The following EFNA5 variants were observed in gnomAD, a reference collection of about 807,000 sequenced individuals.
EFNA5 encodes the protein ephrin A5, also known as ephrin-A5.
EFNA5 carries 5 observed loss-of-function variants against 22.9 expected under a neutral mutation model. That is an observed-to-expected ratio of 0.22 (90% CI 0.11 to 0.46). The LOEUF (loss-of-function observed/expected upper bound fraction) is 0.46, where lower values mean the gene tolerates loss of function less well. Among genes scored for constraint, EFNA5 ranks in the 20% least tolerant of loss-of-function variants. The pLI is 0.99. For missense variants in EFNA5, 237 were observed against 293.3 expected (o/e 0.81, Z 1.40); for synonymous variants, 113 against 112.2 (o/e 1.01, Z -0.04).
chr5:107,414,084 G>T (rs567388644), intron 2 of EFNA5, among the ~76,000 whole-genome samples: 4 of 152,292 alleles, frequency 2.6e-5, no homozygotes, highest in Non-Finnish European at 4.4e-5. Flanking sequence ...TGTTCTCGAA[G>T]TGTGGTACAA....
chr5:107,378,730 A>G lies in EFNA5; in HGVS notation c.*2525T>C, dbSNP rs550841405. ...TCTAATTTCACTGTGAAAAAATGAA[A>G]GACAATGGCAGAGAGGGCCATGAGT... On this transcript the variant is annotated 3_prime_UTR_variant, in exon 5 of 5. Transcript: ENST00000333274. The G allele has an allele frequency of 6.6e-6, 1 of 152,316 alleles. No individual in the cohort carries two copies. Among genetic ancestry groups the G allele is most frequent in the South Asian group, 2.1e-4 (1 of 4,824 alleles). 9.4% of individuals were successfully genotyped at this position (152,316 alleles called of 1,614,324 possible).
At position 107,413,493 on chromosome 5, in the gene EFNA5, A is replaced by G. The variant is rs928721410; in HGVS notation, c.418+13724T>C. Among the ~76,000 whole-genome samples the G allele has an allele frequency of 2.6e-5, 4 of 152,240 alleles. No homozygotes were observed. The South Asian group carries it at 6.2e-4, about 24-fold the overall frequency. ...CTTCAGTGTTCCTTCCAAAAACCTC[A>G]TGTCATATAAATAGAATATTACAGG... On this transcript the variant is annotated intron_variant, in intron 2 of 4. Coordinates refer to ENST00000333274, the MANE Select transcript of EFNA5 (RefSeq NM_001962.3).
chr5:107,513,597 C>T (rs1211519528), intron 1 of EFNA5, among the ~76,000 whole-genome samples: 2 of 152,156 alleles, frequency 1.3e-5, no homozygotes, highest in African/African-American at 4.8e-5. Context: ...AGGACACCGA[C>T]ACCCCACCGA....
rs139691191 is a variant in EFNA5 at position 107,451,790 on chromosome 5, T to C, written c.126-24281A>G. Among the ~76,000 whole-genome samples, 84 of 152,260 alleles carry C rather than the reference T, an allele frequency of 5.5e-4. No homozygotes were observed. The East Asian group carries it at 0.014, about 26-fold the overall frequency. ...CACTGTTGGTAGGAGGGTAACTTAG[T>C]TCAACCATTGTGGAAGACAGTATGG... On this transcript the variant is annotated intron_variant, in intron 1 of 4. Transcript: ENST00000333274.
intron 1 of EFNA5, among the ~76,000 whole-genome samples, chr5:107,538,514 T>C (rs1290903802): frequency 6.6e-6 from 1 of 152,176 alleles, no homozygotes. Flanking sequence ...ACAATGAATG[T>C]ACAGACAGGA....
At chr5:107,606,562 C>T (rs1749729479) in intron 1 of EFNA5, among the ~76,000 whole-genome samples, 1 of 151,390 alleles carries the variant, frequency 6.6e-6, no homozygotes, top group African/African-American at 2.4e-5. Context: ...CACACACACA[C>T]ACACACACAC....
intron 1 of EFNA5, among the ~76,000 whole-genome samples, chr5:107,553,158 T>C (rs946595718): frequency 1.3e-5 from 2 of 152,066 alleles, no homozygotes; most frequent in East Asian, 1.9e-4. Context: ...CCTGTTCCAC[T>C]AAACACCCTG....
chr5:107,506,973 C>T (rs17534200), intron 1 of EFNA5, among the ~76,000 whole-genome samples: 4,544 of 152,162 alleles, frequency 0.03, 90 homozygotes, highest in Middle Eastern at 0.095. Context: ...AGAAATAATG[C>T]ATCATCTTCA....
chr5:107,470,728 C>T (rs752755441), intron 1 of EFNA5, among the ~76,000 whole-genome samples: 2 of 152,012 alleles, frequency 1.3e-5, no homozygotes, highest in Non-Finnish European at 2.9e-5. Flanking sequence ...TTTGAAATTT[C>T]ACTTCTCTAT....
At chr5:107,408,850 GA>G (rs1415276100) in intron 2 of EFNA5, among the ~76,000 whole-genome samples, 3 of 152,136 alleles carry the variant, frequency 2.0e-5, no homozygotes. Context: ...TCTACAATAA[GA>G]AAGAAGATAT....
chr5:107,528,862 T>C (rs1747752475), intron 1 of EFNA5, among the ~76,000 whole-genome samples: 1 of 152,192 alleles, frequency 6.6e-6, no homozygotes, highest in Non-Finnish European at 1.5e-5. Flanking sequence ...CCTTTCAAAC[T>C]TTGTATCATG....
At chr5:107,404,237 C>T (rs1748155398) in intron 2 of EFNA5, among the ~76,000 whole-genome samples, 1 of 152,162 alleles carries the variant, frequency 6.6e-6, no homozygotes, top group African/African-American at 2.4e-5. Context: ...ATGTTGTAGT[C>T]AATAAATCTG....
chr5:107,447,092 T>A (rs1308642204), intron 1 of EFNA5, among the ~76,000 whole-genome samples: 2 of 152,258 alleles, frequency 1.3e-5, no homozygotes, highest in African/African-American at 4.8e-5. Context: ...CCAGCAGAGT[T>A]AAGACCCCTG....
At chr5:107,628,528 T>TG (rs966638792) in intron 1 of EFNA5, among the ~76,000 whole-genome samples, 1 of 152,232 alleles carries the variant, frequency 6.6e-6, no homozygotes, top group Non-Finnish European at 1.5e-5. Context: ...TGGGTTTTTT[T>TG]GTTACTGTTT....
intron 1 of EFNA5, among the ~76,000 whole-genome samples, chr5:107,619,236 CTT>C (rs1312111394): frequency 3.3e-5 from 5 of 151,866 alleles, no homozygotes; most frequent in African/African-American, 1.2e-4. Context: ...GTTGTGTACT[CTT>C]ATAAATATGT....
At chr5:107,531,140 T>C (rs577064337) in intron 1 of EFNA5, among the ~76,000 whole-genome samples, 1 of 152,338 alleles carries the variant, frequency 6.6e-6, no homozygotes, top group Non-Finnish European at 1.5e-5. Context: ...AAAAGAGGGA[T>C]AAGTCTCTAA....
At chr5:107,639,366 C>A (rs1174462760) in intron 1 of EFNA5, among the ~76,000 whole-genome samples, 6 of 152,200 alleles carry the variant, frequency 3.9e-5, no homozygotes, top group Admixed American at 6.5e-5. Flanking sequence ...ACTCTGGAAC[C>A]AACTTCCACG....
chr5:107,427,591 A>G (rs963061379), intron 1 of EFNA5, 82 bp from the exon 2 acceptor site: 1 of 1,317,702 alleles, frequency 7.6e-7, no homozygotes, highest in Non-Finnish European at 1.0e-6. Context: ...CCATTCAATA[A>G]TTTTGGAGCT....
At chr5:107,531,877 A>C (rs1233280564) in intron 1 of EFNA5, among the ~76,000 whole-genome samples, 1 of 152,232 alleles carries the variant, frequency 6.6e-6, no homozygotes, top group Non-Finnish European at 1.5e-5. Flanking sequence ...CTGCAATATA[A>C]TAAAGATGCT....
Sources: allele counts gnomAD v4.1 joint callset (sites outside exome capture counted in the v4.1 genomes callset), GRCh38; gene constraint gnomAD v4.1.1; transcripts MANE v1.5; gene names NCBI Gene and HGNC (gene_info 2026-07-23, HGNC 2026-07-21).